Variants in XKR9 observed in about 807,000 individuals in gnomAD.
XKR9 encodes XK-related protein 9.
Under a neutral mutation model 32.0 loss-of-function variants are expected in XKR9, and 32 were observed. The ratio of observed to expected loss-of-function variants is 1.00; its 90% CI spans 0.76 to 1.34. The LOEUF (loss-of-function observed/expected upper bound fraction) is 1.34. Ranked by LOEUF, XKR9 falls within the 40% of genes most tolerant of loss-of-function variation. The pLI is 0.00. For missense variants in XKR9, 546 were observed against 429.7 expected, an observed-to-expected ratio of 1.27 and a Z score of -2.39; for synonymous variants, 168 against 143.4, an observed-to-expected ratio of 1.17 and a Z score of -1.22.
At chr8:70,779,571 A>T (rs186181807) in intron 2 of XKR9, among the ~76,000 whole-genome samples, 1 of 152,088 alleles carries the variant, frequency 6.6e-6, no homozygotes, top group African/African-American at 2.4e-5. Flanking sequence ...TCGGCTGTGA[A>T]TCCGTCTGGA....
At chr8:70,727,106 A>T (rs1806496367) in intron 4 of XKR9, among the ~76,000 whole-genome samples, 1 of 152,172 alleles carries the variant, frequency 6.6e-6, no homozygotes, top group Admixed American at 6.5e-5. Flanking sequence ...TATGGCTGGT[A>T]TTATGGTTTA....
At chr8:70,766,226 T>C (rs903359273) in intron 2 of XKR9, among the ~76,000 whole-genome samples, 4 of 152,140 alleles carry the variant, frequency 2.6e-5, no homozygotes, top group Admixed American at 6.6e-5. Flanking sequence ...ATTGATTCTT[T>C]CTACCCATGA....
At chr8:70,677,572 A>G (rs906382618) in intron 2 of XKR9, among the ~76,000 whole-genome samples, 3 of 152,214 alleles carry the variant, frequency 2.0e-5, no homozygotes, top group East Asian at 3.8e-4. Flanking sequence ...TCTCAAATCT[A>G]TAGACTGCTG....
the XKR9 span, among the ~76,000 whole-genome samples, chr8:70,968,721 G>A: frequency 6.6e-6 from 1 of 152,064 alleles, no homozygotes; most frequent in Non-Finnish European, 1.5e-5. Flanking sequence ...TTTGCTGGGG[G>A]TCCACTCCAG....
intron 2 of XKR9, among the ~76,000 whole-genome samples, chr8:70,745,305 C>T (rs989772703): frequency 3.9e-5 from 6 of 151,952 alleles, no homozygotes; most frequent in Non-Finnish European, 8.8e-5. Flanking sequence ...TTTAAATTTC[C>T]GCAACTAAAT....
the XKR9 span, among the ~76,000 whole-genome samples, chr8:70,839,138 T>C: frequency 6.6e-6 from 1 of 152,100 alleles, no homozygotes; most frequent in South Asian, 2.1e-4. Context: ...TGAAATAATA[T>C]TGACCAATTT....
intron 2 of XKR9, among the ~76,000 whole-genome samples, chr8:70,785,054 T>G (rs559534672): frequency 6.6e-5 from 10 of 152,226 alleles, no homozygotes; most frequent in Non-Finnish European, 1.5e-4. Flanking sequence ...ACTTCTTTTT[T>G]GATTTTTTTG....
the XKR9 span, among the ~76,000 whole-genome samples, chr8:70,897,580 C>G: frequency 6.6e-6 from 1 of 152,244 alleles, no homozygotes; most frequent in Non-Finnish European, 1.5e-5. Context: ...GCCATTTTAA[C>G]TGGGATGAGA....
At chr8:70,938,545 C>T in the XKR9 span, among the ~76,000 whole-genome samples, 1 of 152,142 alleles carries the variant, frequency 6.6e-6, no homozygotes, top group East Asian at 1.9e-4. Context: ...TGCTGGAAAA[C>T]CCTCTGTCAT....
chr8:70,768,623 T>C (rs1359588588), intron 2 of XKR9, among the ~76,000 whole-genome samples: 2 of 152,210 alleles, frequency 1.3e-5, no homozygotes, highest in African/African-American at 4.8e-5. Context: ...ATTGGGCAAA[T>C]ATATAATTAG....
the XKR9 span, among the ~76,000 whole-genome samples, chr8:71,039,609 C>A: frequency 1.3e-5 from 2 of 151,946 alleles, no homozygotes; most frequent in Admixed American, 6.5e-5. Context: ...AGTGGAAGGA[C>A]AAAAAAAGAT....
chr8:70,957,775 C>T, the XKR9 span, among the ~76,000 whole-genome samples: 2 of 142,448 alleles, frequency 1.4e-5, no homozygotes, highest in East Asian at 4.1e-4. Context: ...TTTATTTATT[C>T]AGTCTATCTT....
At chr8:70,968,651 G>A in the XKR9 span, among the ~76,000 whole-genome samples, 2 of 152,020 alleles carry the variant, frequency 1.3e-5, no homozygotes, top group Admixed American at 6.5e-5. Flanking sequence ...TGTTGTTGTT[G>A]TTGCTTTCTG....
chr8:70,787,115 G>T (rs1012214845), intron 2 of XKR9, among the ~76,000 whole-genome samples: 1 of 152,104 alleles, frequency 6.6e-6, no homozygotes, highest in South Asian at 2.1e-4. Context: ...ATGGAAGAGA[G>T]AAATTTATTA....
chr8:70,972,942 C>T, the XKR9 span, among the ~76,000 whole-genome samples: 3 of 152,016 alleles, frequency 2.0e-5, no homozygotes, highest in Non-Finnish European at 4.4e-5. Flanking sequence ...GTGTTATGTC[C>T]TTCCCTAGTT....
chr8:71,050,270 G>GATATAGATATAGATATAGATATAGAT, the XKR9 span, among the ~76,000 whole-genome samples: 1 of 123,710 alleles, frequency 8.1e-6, no homozygotes, highest in African/African-American at 3.1e-5. Flanking sequence ...TAGATAGATA[G>GATATAGATATAGATATAGATATAGAT]ATAGATATAG....
chr8:70,961,894 C>T, the XKR9 span, among the ~76,000 whole-genome samples: 1 of 151,962 alleles, frequency 6.6e-6, no homozygotes, highest in Non-Finnish European at 1.5e-5. Flanking sequence ...AAAAAATTTA[C>T]GAAAGTTACT....
At chr8:70,730,587 T>TA (rs58746130) in intron 4 of XKR9, among the ~76,000 whole-genome samples, 48,230 of 151,880 alleles carry the variant, frequency 0.32, 8,991 homozygotes, top group Non-Finnish European at 0.43. Context: ...ATTTTTTTTT[T>TA]AAATAAGATT....
chr8:70,821,591 C>G, the XKR9 span, among the ~76,000 whole-genome samples: 1 of 152,208 alleles, frequency 6.6e-6, no homozygotes, highest in Non-Finnish European at 1.5e-5. Context: ...CCAGGCATTT[C>G]CATCCATCCT....
Sources: allele counts gnomAD v4.1 joint callset (sites outside exome capture counted in the v4.1 genomes callset), GRCh38; gene constraint gnomAD v4.1.1; transcripts MANE v1.5; gene names NCBI Gene and HGNC (gene_info 2026-07-23, HGNC 2026-07-21).